PCDHGC5: variants seen among roughly 807,000 people sequenced by gnomAD.
PCDHGC5 encodes protocadherin gamma subfamily C, 5, also known as protocadherin gamma-C5.
In PCDHGC5, 25 loss-of-function variants were observed where a neutral mutation model predicts 59.0. The observed-to-expected ratio is 0.42, with a 90% CI of 0.31 to 0.59. The LOEUF is 0.59. PCDHGC5 is among the 20% of genes least tolerant of loss of function. The pLI, the probability that PCDHGC5 is intolerant of heterozygous loss-of-function variation, is 0.13. For synonymous variants in PCDHGC5, 434 were observed against 505.5 expected (o/e 0.86, Z 1.90); for missense variants, 1,067 against 1,206.4 (o/e 0.88, Z 1.71).
intron 2 of PCDHGC5, among the ~76,000 whole-genome samples, chr5:141,495,279 G>C (rs72790069): frequency 0.027 from 4,092 of 152,256 alleles, 88 homozygotes; most frequent in Middle Eastern, 0.048. Flanking sequence ...CGGAGGAGGC[G>C]GTCCGCACTC....
chr5:141,496,533 G>A (rs2099769399), intron 2 of PCDHGC5, among the ~76,000 whole-genome samples: 2 of 152,176 alleles, frequency 1.3e-5, no homozygotes, highest in Admixed American at 1.3e-4. Context: ...GTGTATGGCA[G>A]AGATTCCAGC....
Position 141,491,608 on chromosome 5 carries a change from C to T in PCDHGC5, c.2368C>T (p.Leu790=). Residue 790 remains leucine, a synonymous_variant, in exon 1 of 4, where the codon CTA becomes TTA. Transcript: ENST00000252087. This position sits in a 1 kb window ranked among gnomAD's most constrained non-coding sequence, Gnocchi z 6.9. The part of the protein sequence containing the change: ...PASDGSDFTF[L]RPLSVQQPTA... Reference sequence around the variant, plus strand: ...CTCGGACGGCAGTGACTTCACTTTTCTAAGACCCCTCAGCGTTCAGCAGCC... The same window carrying T: ...CTCGGACGGCAGTGACTTCACTTTTTTAAGACCCCTCAGCGTTCAGCAGCC... 6.2e-7 allele frequency: 1 copy of T among 1,613,942 alleles called. No individual in the cohort carries two copies. The highest frequency in any genetic ancestry group is 1.1e-5 in the South Asian group (1 of 91,086).
chr5:141,509,155 C>G (rs981661695), intron 3 of PCDHGC5, among the ~76,000 whole-genome samples: 3 of 152,202 alleles, frequency 2.0e-5, no homozygotes, highest in Non-Finnish European at 4.4e-5. Flanking sequence ...GCTCTCCCCT[C>G]CCGTGTGCCC....
chr5:141,498,616 G>T (rs1202866176), intron 2 of PCDHGC5, among the ~76,000 whole-genome samples: 1 of 152,138 alleles, frequency 6.6e-6, no homozygotes, highest in East Asian at 1.9e-4. Flanking sequence ...AGTCAGCACT[G>T]GGTCACACTG....
At chr5:141,495,213 C>T (rs568314100) in intron 2 of PCDHGC5, among the ~76,000 whole-genome samples, 1 of 152,326 alleles carries the variant, frequency 6.6e-6, no homozygotes, top group South Asian at 2.1e-4. Flanking sequence ...AACCCCCTCC[C>T]CTGAGTTGAG....
In PCDHGC5 at chr5:141,510,983, C is replaced by T; in HGVS notation, c.2645C>T (p.Ala882Val). The change falls in exon 4 of 4, where the codon GCC becomes GTC. Residue 882 changes from alanine to valine, a missense_variant. Transcript: ENST00000252087. The stretch of plus-strand genomic sequence containing the variant: ...GGGAGCTCCACCCTGGGAGGGGGTG[C>T]CGGCACCATGGGATTGAGCGCCCGC... ...ADGSSTLGGG[A>V]GTMGLSARYG... The T allele has an allele frequency of 6.2e-7, 1 of 1,614,162 alleles. No homozygotes were observed. The highest frequency in any genetic ancestry group is 8.5e-7 in the Non-Finnish European group (1 of 1,180,012).
chr5:141,507,554 A>C (rs1384910590), intron 3 of PCDHGC5, among the ~76,000 whole-genome samples: 2 of 152,258 alleles, frequency 1.3e-5, no homozygotes, highest in African/African-American at 4.8e-5. Context: ...TGAAAGTGGC[A>C]GGCGGCTGGG....
intron 2 of PCDHGC5, among the ~76,000 whole-genome samples, chr5:141,504,059 T>C (rs1179226175): frequency 6.6e-6 from 1 of 152,184 alleles, no homozygotes; most frequent in Admixed American, 6.6e-5. Flanking sequence ...ATTGAAAAAC[T>C]TCTCTGAGCC....
At chr5:141,506,306 G>A (rs539365378) in intron 3 of PCDHGC5, among the ~76,000 whole-genome samples, 4 of 152,040 alleles carry the variant, frequency 2.6e-5, no homozygotes, top group Non-Finnish European at 5.9e-5. Flanking sequence ...AAAATTAGCT[G>A]GGCATGGTGG....
In PCDHGC5 at chr5:141,512,517, A is replaced by G. The variant is rs985434754; in HGVS notation, c.*1344A>G. ...GTCCCCAGTGCGCCCCCTAGTGGCC[A>G]TAGCCTGGTTAAAGTTCCCCAGTGC... On this transcript the variant is annotated 3_prime_UTR_variant, in exon 4 of 4. Coordinates refer to ENST00000252087, the MANE Select transcript of PCDHGC5 (RefSeq NM_018929.3). 3 of 152,938 alleles carry G rather than the reference A, an allele frequency of 2.0e-5. No individual in the cohort carries two copies. Among genetic ancestry groups the G allele is most frequent in the African/African-American group, 7.2e-5 (3 of 41,464 alleles). 9.5% of individuals were successfully genotyped at this position (152,938 alleles called of 1,614,324 possible).
Position 141,511,617 on chromosome 5 carries a change from C to T in PCDHGC5, c.*444C>T, listed in dbSNP as rs1562253545. The T allele has an allele frequency of 4.3e-6, 1 of 233,232 alleles. No homozygotes were observed. Among genetic ancestry groups the T allele is most frequent in the African/African-American group, 2.2e-5 (1 of 45,220 alleles). The allele number at this position is 233,232 out of a possible 1,614,324, so 14.4% of individuals were successfully genotyped here. A position where few individuals can be genotyped will look rare whatever the true frequency, so the allele number is the denominator to read the frequency against. Reference sequence around the variant, plus strand: ...CAAGTAACCTACAAGCCTCCTAGTTCTGAAAAGTTGGAAGGGCATCATGAC... The same window carrying T: ...CAAGTAACCTACAAGCCTCCTAGTTTTGAAAAGTTGGAAGGGCATCATGAC... On this transcript the variant is annotated 3_prime_UTR_variant, in exon 4 of 4. Coordinates refer to ENST00000252087, the MANE Select transcript of PCDHGC5 (RefSeq NM_018929.3).
intron 1 of PCDHGC5, among the ~76,000 whole-genome samples, chr5:141,492,474 G>T (rs2099741007): frequency 6.6e-6 from 1 of 152,218 alleles, no homozygotes; most frequent in African/African-American, 2.4e-5. Context: ...CCCAGATCGC[G>T]GCCGCCCAGG....
At chr5:141,501,326 CACACA>C (rs2099807944) in intron 2 of PCDHGC5, among the ~76,000 whole-genome samples, 1 of 151,784 alleles carries the variant, frequency 6.6e-6, no homozygotes, top group Non-Finnish European at 1.5e-5. Flanking sequence ...CACACACACA[CACACA>C]CACCCCAAAC....
Position 141,511,065 on chromosome 5 carries a change from C to T in PCDHGC5, c.2727C>T (p.Ile909=). Residue 909 remains isoleucine, a synonymous_variant, in exon 4 of 4, where the codon ATC becomes ATT. Transcript: ENST00000252087. ...HVPDYRQNVY[I]PGSNATLTNA... ...CCGACTACCGCCAGAATGTCTACATCCCAGGCAGCAATGCCACACTGACCA... is the reference window on the plus strand; with the variant it reads ...CCGACTACCGCCAGAATGTCTACATTCCAGGCAGCAATGCCACACTGACCA... The T allele has an allele frequency of 6.2e-7, 1 of 1,614,222 alleles. No individual in the cohort carries two copies. Among genetic ancestry groups the T allele is most frequent in the Middle Eastern group, 1.6e-4 (1 of 6,062 alleles).
chr5:141,491,048 C>G lies in PCDHGC5; in HGVS notation c.1808C>G (p.Ala603Gly). The change falls in exon 1 of 4, where the codon GCG (alanine) becomes GGG (glycine). Residue 603 changes from alanine to glycine, a missense_variant. Coordinates refer to ENST00000252087, the MANE Select transcript of PCDHGC5 (RefSeq NM_018929.3). The surrounding 1 kb of genome is among the most constrained non-coding windows in gnomAD (Gnocchi z 6.9). ...TAVDADAGHN[A>G]WLSYSLLPQS... ...GTGGATGCTGATGCAGGCCACAATGCGTGGCTCTCCTACTCACTGTTGCCA... is the reference window on the plus strand; with the variant it reads ...GTGGATGCTGATGCAGGCCACAATGGGTGGCTCTCCTACTCACTGTTGCCA... 1.2e-6 allele frequency: 2 copies of G among 1,614,066 alleles called. No individual in the cohort carries two copies. Among genetic ancestry groups the G allele is most frequent in the Non-Finnish European group, 8.5e-7 (1 of 1,179,952 alleles).
chr5:141,508,790 C>T (rs1181979966), intron 3 of PCDHGC5, among the ~76,000 whole-genome samples: 1 of 152,072 alleles, frequency 6.6e-6, no homozygotes, highest in African/African-American at 2.4e-5. Flanking sequence ...CCCTAAATCA[C>T]TCTGGAATCC....
chr5:141,509,081 A>T (rs1279221589), intron 3 of PCDHGC5, among the ~76,000 whole-genome samples: 1 of 152,160 alleles, frequency 6.6e-6, no homozygotes, highest in Non-Finnish European at 1.5e-5. Context: ...GATTTGCGAC[A>T]TGAAATGGGG....
intron 3 of PCDHGC5, among the ~76,000 whole-genome samples, chr5:141,509,336 GC>G (rs2099876304): frequency 6.6e-6 from 1 of 152,178 alleles, no homozygotes; most frequent in Non-Finnish European, 1.5e-5. Context: ...TGCCAGCTGG[GC>G]CTGGGCTGGC....
intron 2 of PCDHGC5, among the ~76,000 whole-genome samples, chr5:141,501,290 TACACACACACACACACACACACAC>T (rs55762287): frequency 7.3e-6 from 1 of 136,162 alleles, no homozygotes; most frequent in African/African-American, 2.7e-5. Flanking sequence ...TATTCCCTTA[TACACACACACACACACACACACAC>T]ACACACACAC....
Sources: allele counts gnomAD v4.1 joint callset (sites outside exome capture counted in the v4.1 genomes callset), GRCh38; gene constraint gnomAD v4.1.1; non-coding constraint Gnocchi (gnomAD v3.1); transcripts MANE v1.5; gene names NCBI Gene and HGNC (gene_info 2026-07-23, HGNC 2026-07-21).